The following HUNK variants were observed in gnomAD, a reference collection of about 807,000 sequenced individuals.
The protein encoded by HUNK is hormonally up-regulated neu tumor-associated kinase.
In HUNK, 21 loss-of-function variants were observed where a neutral mutation model predicts 61.0. The observed-to-expected ratio is 0.34, with a 90% CI of 0.24 to 0.50. HUNK has a LOEUF of 0.50. Among genes scored for constraint, HUNK ranks in the 20% least tolerant of loss-of-function variants. The pLI is 0.98. For missense variants in HUNK, 772 were observed against 945.7 expected, an observed-to-expected ratio of 0.82 and a Z score of 2.41; for synonymous variants, 371 against 386.1, an observed-to-expected ratio of 0.96 and a Z score of 0.46.
intron 4 of HUNK, among the ~76,000 whole-genome samples, chr21:31,950,391 G>T (rs1401094340): frequency 6.6e-6 from 1 of 152,204 alleles, no homozygotes; most frequent in Non-Finnish European, 1.5e-5. Flanking sequence ...GCACAGCTGG[G>T]TTAAGTCAGG....
At chr21:31,945,517 A>T (rs1462721032) in intron 3 of HUNK, among the ~76,000 whole-genome samples, 1 of 152,122 alleles carries the variant, frequency 6.6e-6, no homozygotes, top group Non-Finnish European at 1.5e-5. Flanking sequence ...GGGAATTTTT[A>T]AAAGACTTTC....
intron 6 of HUNK, among the ~76,000 whole-genome samples, chr21:31,973,581 G>GTGATGA (rs34890227): frequency 0.029 from 4,369 of 150,288 alleles, 186 homozygotes; most frequent in African/African-American, 0.093. Flanking sequence ...GATGGTGGTG[G>GTGATGA]TGATGATGAT....
chr21:31,911,860 T>G (rs2052547816), intron 1 of HUNK, among the ~76,000 whole-genome samples: 1 of 152,026 alleles, frequency 6.6e-6, no homozygotes, highest in Non-Finnish European at 1.5e-5. Flanking sequence ...TGTCCCCAAT[T>G]CTTAGTCACA....
intron 4 of HUNK, among the ~76,000 whole-genome samples, chr21:31,948,294 T>C (rs1256201438): frequency 2.0e-5 from 3 of 152,206 alleles, no homozygotes; most frequent in Admixed American, 6.5e-5. Flanking sequence ...TCCTATTCCC[T>C]GAACACAGCC....
At chr21:31,885,070 G>A (rs561535347) in intron 1 of HUNK, among the ~76,000 whole-genome samples, 6 of 152,164 alleles carry the variant, frequency 3.9e-5, no homozygotes, top group East Asian at 1.9e-4. Flanking sequence ...GAGTCATCGC[G>A]CCTGGCCAAA....
chr21:31,939,181 C>G (rs2052751985), intron 2 of HUNK, among the ~76,000 whole-genome samples: 1 of 152,118 alleles, frequency 6.6e-6, no homozygotes, highest in African/African-American at 2.4e-5. Flanking sequence ...AATCTTCATT[C>G]CATCTGGAAC....
intron 4 of HUNK, among the ~76,000 whole-genome samples, chr21:31,948,707 G>A (rs1220591640): frequency 3.9e-5 from 6 of 152,072 alleles, no homozygotes; most frequent in Admixed American, 3.9e-4. Flanking sequence ...GGAGGAAGGA[G>A]CAGGCATTTC....
Position 31,974,545 on chromosome 21 carries a change from C to T in HUNK, c.1011-10C>T. On this transcript the variant is annotated splice_polypyrimidine_tract_variant and intron_variant, in intron 6 of 10. Transcript: ENST00000270112. Reference sequence around the variant, plus strand: ...AGGGGTGACTGGTCCTCTCTCTCTGCACCTCGCAGGATTTCTCTGGAAGAT... The same window carrying T: ...AGGGGTGACTGGTCCTCTCTCTCTGTACCTCGCAGGATTTCTCTGGAAGAT... 2 of 1,610,194 alleles carry T rather than the reference C, an allele frequency of 1.2e-6. No individual in the cohort carries two copies. Among genetic ancestry groups the T allele is most frequent in the African/African-American group, 1.3e-5 (1 of 74,936 alleles).
At position 32,000,790 on chromosome 21, in the gene HUNK, C is replaced by A; in HGVS notation, c.*1606C>A. Reference sequence around the variant, plus strand: ...TTCACCAGTGGTGACATCCTTCAGTCCCTCACATCTCTGACAGAGCGGGAC... The same window carrying A: ...TTCACCAGTGGTGACATCCTTCAGTACCTCACATCTCTGACAGAGCGGGAC... On this transcript the variant is annotated 3_prime_UTR_variant, in exon 11 of 11. Coordinates refer to ENST00000270112, the MANE Select transcript of HUNK (RefSeq NM_014586.2). 2.5e-6 allele frequency: 1 copy of A among 398,564 alleles called. No homozygotes were observed. Among genetic ancestry groups the A allele is most frequent in the South Asian group, 1.3e-4 (1 of 7,756 alleles). 24.7% of individuals were successfully genotyped at this position (398,564 alleles called of 1,614,324 possible).
intron 1 of HUNK, among the ~76,000 whole-genome samples, chr21:31,895,934 G>C (rs2123795929): frequency 6.6e-6 from 1 of 152,298 alleles, no homozygotes; most frequent in Admixed American, 6.5e-5. Context: ...ACTGCATTTG[G>C]AGATAGGATC....
chr21:31,980,007 T>C (rs768597004), intron 7 of HUNK, among the ~76,000 whole-genome samples: 1 of 152,232 alleles, frequency 6.6e-6, no homozygotes, highest in Non-Finnish European at 1.5e-5. Context: ...TCCAGACCAA[T>C]GTAATGAAGC....
At chr21:31,898,750 G>A (rs2052443091) in intron 1 of HUNK, among the ~76,000 whole-genome samples, 2 of 152,148 alleles carry the variant, frequency 1.3e-5, no homozygotes, top group Admixed American at 6.5e-5. Context: ...GGAAGTGTAA[G>A]GAGAGAGGAT....
At chr21:31,890,184 TG>T (rs1176424118) in intron 1 of HUNK, among the ~76,000 whole-genome samples, 1 of 152,090 alleles carries the variant, frequency 6.6e-6, no homozygotes, top group Non-Finnish European at 1.5e-5. Context: ...CTTTGCCACT[TG>T]TTACTATACT....
chr21:31,929,533 G>A (rs1186798647), intron 2 of HUNK, among the ~76,000 whole-genome samples: 2 of 152,088 alleles, frequency 1.3e-5, no homozygotes, highest in African/African-American at 2.4e-5. Flanking sequence ...AACTCTTAAC[G>A]TGAATCACCA....
intron 2 of HUNK, among the ~76,000 whole-genome samples, chr21:31,929,466 G>A (rs529944792): frequency 6.6e-6 from 1 of 152,190 alleles, no homozygotes; most frequent in African/African-American, 2.4e-5. Context: ...TCCCCTAAAC[G>A]TGCTTACTGA....
intron 8 of HUNK, among the ~76,000 whole-genome samples, chr21:31,985,238 C>G (rs577629021): frequency 6.6e-6 from 1 of 152,294 alleles, no homozygotes; most frequent in Admixed American, 6.5e-5. Context: ...TGTCTATGCC[C>G]CAGTGAGGTC....
chr21:31,942,934 A>ATTTC (rs930972379), intron 3 of HUNK, among the ~76,000 whole-genome samples: 1 of 152,074 alleles, frequency 6.6e-6, no homozygotes, highest in Non-Finnish European at 1.5e-5. Flanking sequence ...AAAGAACCGC[A>ATTTC]TTTCCGGAAG....
chr21:31,950,229 G>A (rs1171624746), intron 4 of HUNK, among the ~76,000 whole-genome samples: 1 of 152,200 alleles, frequency 6.6e-6, no homozygotes, highest in Admixed American at 6.5e-5. Context: ...GGCCTCTTGA[G>A]GAGATGACTT....
rs2053066227 is a variant in HUNK at position 31,978,451 on chromosome 21, G to C, written c.1173+3734G>C. On this transcript the variant is annotated intron_variant, in intron 7 of 10. Coordinates refer to ENST00000270112, the MANE Select transcript of HUNK (RefSeq NM_014586.2). Reference sequence around the variant, plus strand: ...TTTCCTCCTGTTTAACTGAAATTTTGTATCTTTTGACCAATATCTCTTCTG... The same window carrying C: ...TTTCCTCCTGTTTAACTGAAATTTTCTATCTTTTGACCAATATCTCTTCTG... Among the ~76,000 whole-genome samples, 3 of 151,986 alleles carry C rather than the reference G, an allele frequency of 2.0e-5. No homozygotes were observed. The South Asian group carries it at 6.2e-4, about 32-fold the overall frequency.
Sources: allele counts gnomAD v4.1 joint callset (sites outside exome capture counted in the v4.1 genomes callset), GRCh38; gene constraint gnomAD v4.1.1; transcripts MANE v1.5; gene names NCBI Gene and HGNC (gene_info 2026-07-23, HGNC 2026-07-21).